USP49: variants seen among roughly 807,000 people sequenced by gnomAD.
USP49 encodes the protein ubiquitin specific peptidase 49, also known as ubiquitin carboxyl-terminal hydrolase 49.
In USP49, 24 loss-of-function variants were observed where a neutral mutation model predicts 58.6. The observed-to-expected ratio is 0.41, with a 90% confidence interval of 0.30 to 0.58. The LOEUF is 0.58. USP49 is among the 20% of genes least tolerant of loss of function. USP49 has a pLI of 0.30. For missense variants in USP49, 703 were observed against 866.1 expected, an observed-to-expected ratio of 0.81 and a Z score of 2.36; for synonymous variants, 408 against 365.1, an observed-to-expected ratio of 1.12 and a Z score of -1.34.
chr6:41,816,569 A>T (rs1696413630), intron 3 of USP49, among the ~76,000 whole-genome samples: 1 of 152,142 alleles, frequency 6.6e-6, no homozygotes, highest in Non-Finnish European at 1.5e-5. Context: ...TTTAAGCATC[A>T]TTTAAATACA....
At chr6:41,809,216 T>G (rs1367479293) in intron 3 of USP49, among the ~76,000 whole-genome samples, 1 of 129,016 alleles carries the variant, frequency 7.8e-6, no homozygotes, top group Non-Finnish European at 1.6e-5. Context: ...TGGCCTAGTC[T>G]CTTTAAAATT....
chr6:41,874,435 T>C (rs536590877), intron 2 of USP49, among the ~76,000 whole-genome samples: 2 of 152,300 alleles, frequency 1.3e-5, no homozygotes, highest in South Asian at 4.1e-4. Flanking sequence ...ATAACAATGA[T>C]GATGATGATG....
chr6:41,845,381 C>T (rs956199967), intron 3 of USP49, among the ~76,000 whole-genome samples: 1 of 151,910 alleles, frequency 6.6e-6, no homozygotes, highest in Admixed American at 6.6e-5. Context: ...ATAAAATTAG[C>T]CGGGTATGGT....
intron 3 of USP49, among the ~76,000 whole-genome samples, chr6:41,821,792 A>T (rs1773457437): frequency 6.6e-6 from 1 of 152,124 alleles, no homozygotes; most frequent in Non-Finnish European, 1.5e-5. Flanking sequence ...AATTATCCAG[A>T]CGGAAAGCAG....
intron 3 of USP49, among the ~76,000 whole-genome samples, chr6:41,833,842 A>G (rs1209686141): frequency 2.0e-5 from 3 of 152,214 alleles, no homozygotes; most frequent in Non-Finnish European, 2.9e-5. Context: ...CCTAGTCCAC[A>G]CTATTCAGCA....
At chr6:41,807,511 G>C (rs1299331264) in intron 3 of USP49, among the ~76,000 whole-genome samples, 1 of 152,168 alleles carries the variant, frequency 6.6e-6, no homozygotes, top group Non-Finnish European at 1.5e-5. Context: ...CGGGATATCA[G>C]CTCATTGCAA....
chr6:41,849,945 T>C (rs759840726), intron 3 of USP49, among the ~76,000 whole-genome samples: 3 of 151,814 alleles, frequency 2.0e-5, no homozygotes, highest in African/African-American at 7.3e-5. Flanking sequence ...AAACTAGAAA[T>C]CAATGGCACA....
chr6:41,862,212 T>C (rs1276650437), intron 3 of USP49, among the ~76,000 whole-genome samples: 1 of 152,206 alleles, frequency 6.6e-6, no homozygotes, highest in Non-Finnish European at 1.5e-5. Flanking sequence ...TGTCAAGGGA[T>C]ATATGCATTT....
intron 2 of USP49, chr6:41,873,097 A>C (rs1344143216): frequency 6.6e-6 from 1 of 152,332 alleles, no homozygotes; most frequent in African/African-American, 2.4e-5. Flanking sequence ...AATGGGGAGA[A>C]GAATGAGGAG....
intron 2 of USP49, among the ~76,000 whole-genome samples, chr6:41,890,180 C>A (rs902838710): frequency 1.3e-5 from 2 of 152,016 alleles, no homozygotes; most frequent in Non-Finnish European, 2.9e-5. Context: ...GAGTTCGAGA[C>A]CAGCCTGGCC....
rs1304437435 is a variant in USP49 at position 41,803,489 on chromosome 6, A to T, written c.1561+317T>A. Among the ~76,000 whole-genome samples, 3 of 152,148 alleles carry T rather than the reference A, an allele frequency of 2.0e-5. No individual in the cohort carries two copies. The highest frequency in any genetic ancestry group is 1.3e-4 in the Admixed American group (2 of 15,270). On this transcript the variant is annotated intron_variant, in intron 5 of 7. Transcript: ENST00000682992. This position sits in a 1 kb window ranked among gnomAD's most constrained non-coding sequence, Gnocchi z 4.1. ...CAGCTAATTTTTGTATTTTTAGTAG[A>T]GACAGGGTTTCACCATGTTGGTCAG...
intron 2 of USP49, among the ~76,000 whole-genome samples, chr6:41,885,495 A>G (rs1253190570): frequency 6.6e-6 from 1 of 152,168 alleles, no homozygotes; most frequent in Non-Finnish European, 1.5e-5. Context: ...TCTCAGATTT[A>G]GATTACTGAG....
In USP49 at chr6:41,790,958, GTA is replaced by G. The variant is rs1201710829; in HGVS notation, c.*5573_*5574del. ...CCAAGGAGGAAACTTTTAAGCCATA[GTA>G]TAGATGCTAACCCCCATTTAGACCT... On this transcript the variant is annotated 3_prime_UTR_variant, in exon 8 of 8. Coordinates refer to ENST00000682992, the MANE Select transcript of USP49 (RefSeq NM_001286554.2). 1 of 152,168 alleles carries G rather than the reference GTA, an allele frequency of 6.6e-6. No individual in the cohort carries two copies. The highest frequency in any genetic ancestry group is 2.4e-5 in the African/African-American group (1 of 41,432). 9.4% of individuals were successfully genotyped at this position (152,168 alleles called of 1,614,324 possible).
At chr6:41,872,258 C>T (rs115117969) in intron 2 of USP49, among the ~76,000 whole-genome samples, 1,989 of 152,344 alleles carry the variant, frequency 0.013, 27 homozygotes, top group South Asian at 0.062. Context: ...AGCTTGAGAT[C>T]GGCAAGCTGG....
In USP49 at chr6:41,794,509, G is replaced by A. The variant is rs192625957; in HGVS notation, c.*2024C>T. On this transcript the variant is annotated 3_prime_UTR_variant, in exon 8 of 8. Coordinates refer to ENST00000682992, the MANE Select transcript of USP49 (RefSeq NM_001286554.2). ...TAGGATTCAATGAAAGATGAGGCAC[G>A]ATTCATAGTTTCCTTTCCTTTTTAC... 4 of 152,196 alleles carry A rather than the reference G, an allele frequency of 2.6e-5. No individual in the cohort carries two copies. Among genetic ancestry groups the A allele is most frequent in the East Asian group, 1.9e-4 (1 of 5,184 alleles). The allele number at this position is 152,196 out of a possible 1,614,324, so 9.4% of individuals were successfully genotyped here.
At chr6:41,867,570 C>T (rs536149188) in intron 3 of USP49, among the ~76,000 whole-genome samples, 7 of 144,728 alleles carry the variant, frequency 4.8e-5, no homozygotes, top group East Asian at 2.0e-4. Flanking sequence ...GGTGAAACCC[C>T]GTCTCTACTA....
At chr6:41,816,689 A>G (rs143880036) in intron 3 of USP49, among the ~76,000 whole-genome samples, 1 of 148,538 alleles carries the variant, frequency 6.7e-6, no homozygotes, top group Non-Finnish European at 1.5e-5. Context: ...GTACTCACAC[A>G]GAGTTCCACA....
intron 3 of USP49, among the ~76,000 whole-genome samples, chr6:41,859,515 T>C (rs775254766): frequency 6.6e-6 from 1 of 152,190 alleles, no homozygotes; most frequent in Non-Finnish European, 1.5e-5. Context: ...TCTACCATGC[T>C]GTACTGTAAT....
At chr6:41,891,076 C>G (rs539529944) in intron 2 of USP49, among the ~76,000 whole-genome samples, 5 of 152,232 alleles carry the variant, frequency 3.3e-5, no homozygotes, top group Non-Finnish European at 7.4e-5. Flanking sequence ...TAGAAAGGAA[C>G]TGGATAAAAG....
Sources: gnomAD v4.1 joint callset for allele counts (sites outside exome capture counted in the v4.1 genomes callset) on GRCh38, gnomAD v4.1.1 for gene constraint, Gnocchi (gnomAD v3.1) non-coding constraint, MANE v1.5 for transcripts, NCBI Gene and HGNC (gene_info 2026-07-23, HGNC 2026-07-21) for gene names.